The following MGST3 variants were observed in gnomAD, a reference collection of about 807,000 sequenced individuals.
MGST3 encodes glutathione S-transferase 3, mitochondrial.
A neutral mutation model predicts 15.8 loss-of-function variants in MGST3; 13 were observed. The observed-to-expected ratio is 0.82, with a 90% CI of 0.54 to 1.31. MGST3 has a LOEUF of 1.31. Ranked by LOEUF, MGST3 falls within the 50% of genes most tolerant of loss-of-function variation. The pLI is 0.00. For synonymous variants in MGST3, 49 were observed against 68.1 expected (o/e 0.72, Z 1.38); for missense variants, 155 against 192.4 (o/e 0.81, Z 1.15).
intron 2 of MGST3, 22 bp from the exon 3 acceptor site, chr1:165,650,992 A>G: frequency 6.2e-7 from 1 of 1,609,742 alleles, no homozygotes; most frequent in Non-Finnish European, 8.5e-7. Context: ...CCATCTGATC[A>G]GTATGTGCTT....
intron 1 of MGST3, among the ~76,000 whole-genome samples, chr1:165,634,534 CTT>C (rs1648045705): frequency 6.6e-6 from 1 of 152,108 alleles, no homozygotes; most frequent in Admixed American, 6.6e-5. Flanking sequence ...ACACTGGACT[CTT>C]TTCTCTCCTT....
intron 1 of MGST3, among the ~76,000 whole-genome samples, chr1:165,634,165 C>A (rs935304717): frequency 2.6e-5 from 4 of 151,724 alleles, no homozygotes; most frequent in African/African-American, 9.7e-5. Flanking sequence ...AGAAATGTTT[C>A]AAAAGATGTC....
rs1648551376 is a variant in MGST3, at chr1:165,651,426, C to T, written c.191+339C>T. The stretch of plus-strand genomic sequence containing the variant: ...TTTGAATGCTGTAAGGAAACCCACT[C>T]TGACTCACCAGGACCTTCCACTTCC... On this transcript the variant is annotated intron_variant, in intron 3 of 5. Transcript: ENST00000367889. The T allele has an allele frequency of 1.2e-5, 5 of 400,196 alleles. No individual in the cohort carries two copies. The Admixed American group carries it at 1.8e-4, about 15-fold the overall frequency. The allele number at this position is 400,196 out of a possible 1,614,324, so 24.8% of individuals were successfully genotyped here.
At chr1:165,644,913 C>G (rs1308125054) in intron 1 of MGST3, among the ~76,000 whole-genome samples, 1 of 152,052 alleles carries the variant, frequency 6.6e-6, no homozygotes, top group Non-Finnish European at 1.5e-5. Flanking sequence ...CACTCATCAC[C>G]TCGCCCAGCT....
intron 4 of MGST3, among the ~76,000 whole-genome samples, chr1:165,652,930 G>A (rs1308508683): frequency 6.6e-6 from 1 of 152,218 alleles, no homozygotes; most frequent in Non-Finnish European, 1.5e-5. Flanking sequence ...GTCTTAGACA[G>A]AAGTGTTCCC....
chr1:165,652,052 G>T lies in MGST3; in HGVS notation c.249+17G>T, dbSNP rs778060093. The T allele has an allele frequency of 2.9e-5, 46 of 1,589,894 alleles. No individual in the cohort carries two copies. In the South Asian group the frequency reaches 4.0e-4, roughly 14 times the overall value. On this transcript the variant is annotated intron_variant, in intron 4 of 5. Coordinates refer to ENST00000367889, the MANE Select transcript of MGST3 (RefSeq NM_004528.4). ...TACCACCCGGTAAGTTTTCCAGGAG[G>T]TGTTCATCTATTTGGATAGTAGTTC... is the stretch of plus-strand genomic sequence containing the variant.
intron 2 of MGST3, chr1:165,650,620 T>G (rs1648526151): frequency 4.7e-6 from 1 of 212,138 alleles, no homozygotes; most frequent in African/African-American, 2.3e-5. Flanking sequence ...CAATTTCTGT[T>G]CTTCTATTAA....
At chr1:165,640,401 A>G (rs573432845) in intron 1 of MGST3, among the ~76,000 whole-genome samples, 35 of 152,080 alleles carry the variant, frequency 2.3e-4, no homozygotes, top group African/African-American at 7.5e-4. Context: ...AGGAGCCTCC[A>G]AAGATAGTAG....
intron 1 of MGST3, chr1:165,647,930 G>C (rs975059443): frequency 2.0e-5 from 3 of 152,220 alleles, no homozygotes; most frequent in African/African-American, 7.2e-5. Flanking sequence ...AAATTGTTGG[G>C]ACTGTAGGTG....
intron 1 of MGST3, among the ~76,000 whole-genome samples, chr1:165,637,459 G>A (rs1008539573): frequency 6.6e-6 from 1 of 152,204 alleles, no homozygotes; most frequent in Non-Finnish European, 1.5e-5. Context: ...TGCTTTGTTT[G>A]TGGAATGCTG....
intron 1 of MGST3, among the ~76,000 whole-genome samples, chr1:165,642,321 G>C (rs111911967): frequency 1.3e-5 from 2 of 152,176 alleles, no homozygotes; most frequent in African/African-American, 4.8e-5. Flanking sequence ...GCAGTGTCTG[G>C]CTGCAGCAAG....
At chr1:165,636,562 C>T (rs1363736991) in intron 1 of MGST3, among the ~76,000 whole-genome samples, 2 of 152,012 alleles carry the variant, frequency 1.3e-5, no homozygotes, top group Non-Finnish European at 2.9e-5. Flanking sequence ...ATGGTAAAAA[C>T]CCATCTCTAC....
chr1:165,654,392 A>C (rs1462441067), intron 5 of MGST3, 41 bp downstream of exon 5: 1 of 1,585,532 alleles, frequency 6.3e-7, no homozygotes, highest in Admixed American at 1.7e-5. Flanking sequence ...CAACTTTAAA[A>C]TTTTAAATCC....
chr1:165,641,700 AAATT>A (rs1473010275), intron 1 of MGST3, among the ~76,000 whole-genome samples: 2 of 152,202 alleles, frequency 1.3e-5, no homozygotes, highest in African/African-American at 4.8e-5. Flanking sequence ...TTTTGTAGAG[AAATT>A]AGATACATCC....
chr1:165,637,443 G>A lies in MGST3; in HGVS notation c.-8+6150G>A, dbSNP rs979157841. On this transcript the variant is annotated intron_variant, in intron 1 of 5. Coordinates refer to ENST00000367889, the MANE Select transcript of MGST3 (RefSeq NM_004528.4). ...GCAGGTACCCAAATCCATAAAGCCT[G>A]CCTTTTGCTTTGTTTGTGGAATGCT... 7.9e-5 allele frequency among the ~76,000 whole-genome samples: 12 copies of A among 152,196 alleles called. No homozygotes were observed. The East Asian group carries it at 2.3e-3, about 29-fold the overall frequency.
chr1:165,645,786 G>A (rs1005872488), intron 1 of MGST3: 3 of 152,180 alleles, frequency 2.0e-5, no homozygotes, highest in Non-Finnish European at 4.4e-5. Flanking sequence ...GTCCATCACT[G>A]AAACGCATGG....
rs191699838 is a variant in MGST3, at chr1:165,655,784, T to A, written c.*280T>A. On this transcript the variant is annotated 3_prime_UTR_variant, in exon 6 of 6. Coordinates refer to ENST00000367889, the MANE Select transcript of MGST3 (RefSeq NM_004528.4). ...GAGAAAAAGTCTGATTGTGGTGATG[T>A]AGGTATAGTCATGCCACAGTGATGA... The A allele has an allele frequency of 2.2e-6, 1 of 461,972 alleles. No individual in the cohort carries two copies. The highest frequency in any genetic ancestry group is 3.9e-6 in the Non-Finnish European group (1 of 253,212). 28.6% of individuals were successfully genotyped at this position (461,972 alleles called of 1,614,324 possible).
chr1:165,652,817 T>A (rs544810663), intron 4 of MGST3, among the ~76,000 whole-genome samples: 1 of 152,224 alleles, frequency 6.6e-6, no homozygotes, highest in African/African-American at 2.4e-5. Context: ...CTTGCAGGCC[T>A]CTGCAGTATA....
chr1:165,644,511 A>C (rs1648342527), intron 1 of MGST3, among the ~76,000 whole-genome samples: 1 of 152,222 alleles, frequency 6.6e-6, no homozygotes, highest in Admixed American at 6.5e-5. Flanking sequence ...GCTCTGGATG[A>C]GTCAGTGAGT....
Sources: gnomAD v4.1 joint callset for allele counts (sites outside exome capture counted in the v4.1 genomes callset) on GRCh38, gnomAD v4.1.1 for gene constraint, MANE v1.5 for transcripts, NCBI Gene and HGNC (gene_info 2026-07-23, HGNC 2026-07-21) for gene names.